The following PAX9 variants were observed in gnomAD, a reference collection of about 807,000 sequenced individuals.
PAX9 encodes the protein paired box protein Pax-9.
A neutral mutation model predicts 29.1 loss-of-function variants in PAX9; 6 were observed. The ratio of observed to expected loss-of-function variants is 0.21; its 90% CI spans 0.11 to 0.41. PAX9 has a LOEUF of 0.41. Ranked by LOEUF, PAX9 falls within the 10% of genes least tolerant of loss-of-function variation. The pLI is 1.00. For missense variants in PAX9, 443 were observed against 479.1 expected (o/e 0.92, Z 0.70); for synonymous variants, 217 against 211.7 (o/e 1.03, Z -0.22).
chr14:36,657,823 G>A (rs1594462542), upstream of PAX9: 1 of 152,316 alleles, frequency 6.6e-6, no homozygotes, highest in African/African-American at 2.4e-5. Context: ...TCTTCCGGCC[G>A]AGCTCTGCTC....
At chr14:36,660,398 G>A (rs751954857), upstream of PAX9, among the ~76,000 whole-genome samples, 1 of 152,212 alleles carries the variant, frequency 6.6e-6, no homozygotes, top group African/African-American at 2.4e-5. Context: ...CCAAGATTCC[G>A]ATTCTAAAGA....
chr14:36,674,457 T>A (rs1881809567), intron 3 of PAX9, among the ~76,000 whole-genome samples: 1 of 152,248 alleles, frequency 6.6e-6, no homozygotes, highest in Admixed American at 6.5e-5. Flanking sequence ...TTAATCTATA[T>A]CCTTGTATAA....
chr14:36,669,261 AAG>A (rs1881622205), intron 3 of PAX9, among the ~76,000 whole-genome samples: 1 of 152,208 alleles, frequency 6.6e-6, no homozygotes, highest in African/African-American at 2.4e-5. Context: ...TAAACATACA[AAG>A]GTAAAGTGTT....
upstream of PAX9, among the ~76,000 whole-genome samples, chr14:36,659,420 A>C (rs892738738): frequency 1.3e-5 from 2 of 152,132 alleles, no homozygotes; most frequent in African/African-American, 4.8e-5. Flanking sequence ...AGGCTTCAGC[A>C]TCACCCTCTT....
upstream of PAX9, chr14:36,657,613 A>C (rs761667667): frequency 1.3e-5 from 2 of 152,224 alleles, no homozygotes; most frequent in Non-Finnish European, 2.9e-5. Flanking sequence ...GAGCGCTCGC[A>C]GCCCGTGGGG....
In PAX9 at chr14:36,676,582, C is replaced by T. The variant is rs1476245792; in HGVS notation, c.*130C>T. The T allele has an allele frequency of 9.7e-7, 1 of 1,033,542 alleles. No individual in the cohort carries two copies. The highest frequency in any genetic ancestry group is 1.5e-6 in the Non-Finnish European group (1 of 688,704). 64.0% of individuals were successfully genotyped at this position (1,033,542 alleles called of 1,614,324 possible). A position where few individuals can be genotyped will look rare whatever the true frequency, so the allele number is the denominator to read the frequency against. ...CTGCCTTGAAAGCTGGCTGTACGGACTCACATCCTTTGTGCTAATGACACT... is the reference window on the plus strand; with the variant it reads ...CTGCCTTGAAAGCTGGCTGTACGGATTCACATCCTTTGTGCTAATGACACT... On this transcript the variant is annotated 3_prime_UTR_variant, in exon 4 of 4. Coordinates refer to ENST00000361487, the MANE Select transcript of PAX9 (RefSeq NM_001372076.1).
At chr14:36,663,641 T>A (rs181932388) in intron 2 of PAX9, 118 bp downstream of exon 2, 1 of 1,328,062 alleles carries the variant, frequency 7.5e-7, no homozygotes, top group East Asian at 2.5e-5. Flanking sequence ...GGCTTTTTCC[T>A]TTGGAAACGT....
At position 36,663,451 on chromosome 14, in the gene PAX9, G is replaced by A. The variant is rs554969436; in HGVS notation, c.559G>A (p.Ala187Thr). Residue 187 changes from alanine to threonine, a missense_variant, in exon 2 of 4, where the codon GCC (alanine) becomes ACC (threonine). By Grantham distance (58) the Ala-to-Thr change is moderately conservative. Coordinates refer to ENST00000361487, the MANE Select transcript of PAX9 (RefSeq NM_001372076.1). ...PGVPAIPGSV[A>T]MPRTWPSSHS... ...GGTGCCTGCCATCCCCGGTTCGGTG[G>A]CCATGCCGCGCACCTGGCCCTCCTC... 1.1e-5 allele frequency: 18 copies of A among 1,612,966 alleles called. No homozygotes were observed. In the African/African-American group the frequency reaches 2.3e-4, roughly 20 times the overall value.
At position 36,666,547 on chromosome 14, in the gene PAX9, C is replaced by T. The variant is rs12881240; in HGVS notation, c.717C>T (p.His239=). ...GRNNFPAAAP[H]AVNGLEKGAL... ...ACAACTTCCCCGCCGCCGCCCCGCA[C>T]GCGGTGAACGGGTTGGAGAAGGGAG... The change falls in exon 3 of 4, where the codon CAC becomes CAT. Residue 239 remains histidine (H), a synonymous_variant. Transcript: ENST00000361487. The T allele has an allele frequency of 0.2, 313,615 of 1,587,486 alleles. 32,959 individuals carry two copies. The highest frequency in any genetic ancestry group is 0.28 in the East Asian group (12,030 of 43,418).
chr14:36,662,152 AAGGGAGGG>A (rs1356827603), intron 1 of PAX9, 59 bp downstream of exon 1: 15 of 423,004 alleles, frequency 3.5e-5, no homozygotes, highest in East Asian at 3.4e-4. Context: ...GCGAGCGGGC[AAGGGAGGG>A]AGGGAGGGAG....
upstream of PAX9, among the ~76,000 whole-genome samples, chr14:36,658,376 G>A (rs868582439): frequency 4.2e-5 from 6 of 142,496 alleles, no homozygotes; most frequent in East Asian, 3.9e-4. Context: ...CCTCGCTTGG[G>A]GGGGGGGGGT....
intron 3 of PAX9, among the ~76,000 whole-genome samples, chr14:36,669,435 G>GT (rs1264095349): frequency 2.8e-5 from 3 of 108,246 alleles, no homozygotes; most frequent in Non-Finnish European, 4.6e-5. Flanking sequence ...AATGTCTTTG[G>GT]CCAAAAAAAA....
In PAX9 at chr14:36,666,494, G is replaced by A; in HGVS notation, c.664G>A (p.Val222Met). 1.2e-6 allele frequency: 2 copies of A among 1,610,166 alleles called. No individual in the cohort carries two copies. The highest frequency in any genetic ancestry group is 2.2e-5 in the South Asian group (2 of 90,160). ...SDSSPYHSPKVEEWSSLGRNN... is the reference protein window; with the variant it reads ...SDSSPYHSPKMEEWSSLGRNN... Reference sequence around the variant, plus strand: ...CAGCTCCCCCTACCACAGCCCCAAGGTGGAGGAGTGGAGCAGCCTGGGCCG... The same window carrying A: ...CAGCTCCCCCTACCACAGCCCCAAGATGGAGGAGTGGAGCAGCCTGGGCCG... Residue 222 changes from valine (V) to methionine (M), a missense_variant, in exon 3 of 4, where the codon GTG becomes ATG. Physicochemically the swap from Val to Met is conservative, Grantham distance 21. Transcript: ENST00000361487.
rs1476475772 is a variant in PAX9 at position 36,661,903 on chromosome 14, G to A, written c.-187G>A. On this transcript the variant is annotated 5_prime_UTR_variant, in exon 1 of 4. Transcript: ENST00000361487. ...GCTTAGATTGAAATGCAGAACTCAAGCCTCTTTCATCGGGGCACAGACTTC... is the reference window on the plus strand; with the variant it reads ...GCTTAGATTGAAATGCAGAACTCAAACCTCTTTCATCGGGGCACAGACTTC... 5.6e-6 allele frequency: 4 copies of A among 714,226 alleles called. No individual in the cohort carries two copies. Among genetic ancestry groups the A allele is most frequent in the Non-Finnish European group, 9.9e-6 (4 of 405,740 alleles). 44.2% of individuals were successfully genotyped at this position (714,226 alleles called of 1,614,324 possible).
rs778032241 is a variant in PAX9, at chr14:36,676,187, ACTC to A, written c.772-7_772-5del. 1.2e-6 allele frequency: 2 copies of A among 1,613,512 alleles called. No individual in the cohort carries two copies. The highest frequency in any genetic ancestry group is 2.2e-5 in the South Asian group (2 of 91,042). On this transcript the variant is annotated splice_polypyrimidine_tract_variant and splice_region_variant and intron_variant, in intron 3 of 3. Coordinates refer to ENST00000361487, the MANE Select transcript of PAX9 (RefSeq NM_001372076.1). ...TGTGATTATTTTTCACTTCTTTTCT[ACTC>A]CTCTCAGGCACCAAATGGTCTCCCA... is the stretch of plus-strand genomic sequence containing the variant.
At chr14:36,666,404 C>G in intron 2 of PAX9, 58 bp from the exon 3 acceptor site, 3 of 1,583,870 alleles carry the variant, frequency 1.9e-6, no homozygotes, top group Middle Eastern at 4.3e-4. Context: ...GGTCCCGTCT[C>G]AAGAGTGGGG....
chr14:36,663,812 C>G (rs964309449), intron 2 of PAX9, among the ~76,000 whole-genome samples: 2 of 152,230 alleles, frequency 1.3e-5, no homozygotes, highest in African/African-American at 4.8e-5. Flanking sequence ...CCCCGCCTCT[C>G]GCGCCGAGGC....
intron 2 of PAX9, among the ~76,000 whole-genome samples, chr14:36,664,568 GT>G (rs34440866): frequency 0.31 from 44,132 of 141,944 alleles, 7,395 homozygotes; most frequent in East Asian, 0.44. Context: ...CTTTTACTGA[GT>G]TTTTTTTTTT....
In PAX9 at chr14:36,661,882, A is replaced by G. The variant is rs1881281611; in HGVS notation, c.-208A>G. The stretch of plus-strand genomic sequence containing the variant: ...CTCAGCCCAGCCCACGTTGCTGCTT[A>G]GATTGAAATGCAGAACTCAAGCCTC... On this transcript the variant is annotated 5_prime_UTR_variant, in exon 1 of 4. Transcript: ENST00000361487. 2 of 658,282 alleles carry G rather than the reference A, an allele frequency of 3.0e-6. No homozygotes were observed. Among genetic ancestry groups the G allele is most frequent in the South Asian group, 1.8e-5 (1 of 56,462 alleles). The allele number at this position is 658,282 out of a possible 1,614,324, so 40.8% of individuals were successfully genotyped here. A position where few individuals can be genotyped will look rare whatever the true frequency, so the allele number is the denominator to read the frequency against.
Sources: allele counts gnomAD v4.1 joint callset (sites outside exome capture counted in the v4.1 genomes callset), GRCh38; gene constraint gnomAD v4.1.1; transcripts MANE v1.5; gene names NCBI Gene and HGNC (gene_info 2026-07-23, HGNC 2026-07-21).